KIAA1671: variants seen among roughly 807,000 people sequenced by gnomAD.
KIAA1671 encodes the protein uncharacterized protein KIAA1671.
Under a neutral mutation model 131.2 loss-of-function variants are expected in KIAA1671, and 52 were observed. The observed-to-expected ratio is 0.40, with a 90% CI of 0.32 to 0.50. KIAA1671 has a LOEUF of 0.50. KIAA1671 is among the 20% of genes least tolerant of loss of function. KIAA1671 has a pLI of 0.73. For missense variants in KIAA1671, 2,360 were observed against 2,364.2 expected, an observed-to-expected ratio of 1.00 and a Z score of 0.04; for synonymous variants, 1,003 against 961.6, an observed-to-expected ratio of 1.04 and a Z score of -0.80.
chr22:25,073,891 A>G (rs1279223125), intron 6 of KIAA1671, among the ~76,000 whole-genome samples: 2 of 152,112 alleles, frequency 1.3e-5, no homozygotes, highest in Admixed American at 1.3e-4. Flanking sequence ...ACGGGGTTTC[A>G]CCATATTGGT....
intron 5 of KIAA1671, among the ~76,000 whole-genome samples, chr22:25,042,724 T>G (rs1209408238): frequency 6.6e-6 from 1 of 151,800 alleles, no homozygotes; most frequent in African/African-American, 2.4e-5. Context: ...CCGCCCACCT[T>G]GACCTCCCAA....
At chr22:25,171,197 C>T (rs576897928) in intron 7 of KIAA1671, among the ~76,000 whole-genome samples, 262 of 150,194 alleles carry the variant, frequency 1.7e-3, no homozygotes, top group African/African-American at 6.2e-3. Context: ...CTCAGGAGTT[C>T]GAGACCAGAC....
chr22:25,167,025 G>A (rs1344833644), intron 6 of KIAA1671, among the ~76,000 whole-genome samples: 1 of 152,140 alleles, frequency 6.6e-6, no homozygotes, highest in Non-Finnish European at 1.5e-5. Context: ...TTAAGTTAGG[G>A]AATGGCCAGT....
chr22:25,110,857 G>A (rs1931295468), intron 6 of KIAA1671: 1 of 152,382 alleles, frequency 6.6e-6, no homozygotes. Flanking sequence ...TGCTGCCCAG[G>A]ACAGGGCAGA....
chr22:25,162,213 T>C lies in KIAA1671; in HGVS notation c.4531-8607T>C, dbSNP rs1315731749. ...GCCCCTGCCATTATTGTTACTCTTATTGCTTGGCCATGGTACTGGTCTGGC... is the reference window on the plus strand; with the variant it reads ...GCCCCTGCCATTATTGTTACTCTTACTGCTTGGCCATGGTACTGGTCTGGC... On this transcript the variant is annotated intron_variant, in intron 6 of 12. Transcript: ENST00000358431. Among the ~76,000 whole-genome samples the C allele has an allele frequency of 2.0e-5, 3 of 152,326 alleles. No homozygotes were observed. The East Asian group carries it at 5.8e-4, about 29-fold the overall frequency.
At chr22:25,146,867 G>C (rs1255870802) in intron 6 of KIAA1671, among the ~76,000 whole-genome samples, 2 of 152,162 alleles carry the variant, frequency 1.3e-5, no homozygotes, top group African/African-American at 4.8e-5. Context: ...GGGAACCCAG[G>C]AGCTAGTTGA....
At chr22:25,069,037 G>GGAGCAGGTGTT (rs1320154256) in intron 6 of KIAA1671, among the ~76,000 whole-genome samples, 3 of 152,216 alleles carry the variant, frequency 2.0e-5, no homozygotes, top group Admixed American at 6.5e-5. Flanking sequence ...CGGCTTATGA[G>GGAGCAGGTGTT]GAGCAGGTGT....
At chr22:25,177,597 A>G (rs1219043039) in intron 9 of KIAA1671, 75 bp downstream of exon 9, 1 of 1,335,710 alleles carries the variant, frequency 7.5e-7, no homozygotes, top group East Asian at 2.6e-5. Context: ...CCTATGAAAA[A>G]ATTCCTGACT....
chr22:25,040,893 G>C lies in KIAA1671; in HGVS notation c.3763G>C (p.Asp1255His). 1 of 1,518,304 alleles carries C rather than the reference G, an allele frequency of 6.6e-7. No homozygotes were observed. The highest frequency in any genetic ancestry group is 1.3e-5 in the South Asian group (1 of 79,342). 94.1% of individuals were successfully genotyped at this position (1,518,304 alleles called of 1,614,324 possible). Residue 1255 changes from aspartate to histidine, a missense_variant, in exon 5 of 13, where the codon GAT becomes CAT. Physicochemically the swap from Asp to His is moderately conservative, Grantham distance 81 (BLOSUM62 -1). Transcript: ENST00000358431. Reference protein sequence around the residue: ...QRRRSLKEMPDTGGLWKPASS... With the variant: ...QRRRSLKEMPHTGGLWKPASS... ...AAGGAGGAGCCTGAAGGAGATGCCC[G>C]ATACCGGGGGTCTCTGGAAACCGGC...
rs2145786914 is a variant in KIAA1671, at chr22:25,028,371, G to A, written c.372G>A (p.Pro124=). The part of the protein sequence containing the change: ...VGQEVGSGEG[P]RTSSPLFNKA... ...AGGAGGTGGGCAGTGGGGAGGGCCC[G>A]AGGACGAGCTCGCCCCTCTTCAACA... Residue 124 remains proline (P), a synonymous_variant, in exon 3 of 13, where the codon CCG becomes CCA. Coordinates refer to ENST00000358431, the MANE Select transcript of KIAA1671 (RefSeq NM_001145206.2). The A allele has an allele frequency of 5.8e-6, 9 of 1,550,890 alleles. No homozygotes were observed. Among genetic ancestry groups the A allele is most frequent in the Non-Finnish European group, 7.8e-6 (9 of 1,146,944 alleles).
chr22:25,060,876 A>T (rs1928120860), intron 6 of KIAA1671: 1 of 152,216 alleles, frequency 6.6e-6, no homozygotes, highest in Admixed American at 6.5e-5. Context: ...CTCCATTCTA[A>T]ACCTGAAACA....
chr22:25,073,767 G>A (rs1928951386), intron 6 of KIAA1671, among the ~76,000 whole-genome samples: 1 of 152,152 alleles, frequency 6.6e-6, no homozygotes, highest in Admixed American at 6.5e-5. Context: ...CATGATCTTG[G>A]CTCACTGCAA....
chr22:24,993,296 A>T (rs972768980), intron 1 of KIAA1671, among the ~76,000 whole-genome samples: 1 of 151,910 alleles, frequency 6.6e-6, no homozygotes, highest in African/African-American at 2.4e-5. Context: ...CCCCAGACAC[A>T]CTCTCATAGA....
intron 1 of KIAA1671, among the ~76,000 whole-genome samples, chr22:25,003,043 G>C (rs1166359593): frequency 6.6e-6 from 1 of 152,146 alleles, no homozygotes; most frequent in Non-Finnish European, 1.5e-5. Context: ...AAAGTGCTGG[G>C]ATTACAGGCA....
chr22:25,190,891 A>G, intron 12 of KIAA1671, 107 bp downstream of exon 12: 2 of 748,910 alleles, frequency 2.7e-6, no homozygotes, highest in South Asian at 1.6e-5. Flanking sequence ...ACCCAAGGAA[A>G]GAGGCTGTGT....
chr22:25,062,375 C>T (rs1348426648), intron 6 of KIAA1671: 1 of 152,274 alleles, frequency 6.6e-6, no homozygotes, highest in African/African-American at 2.4e-5. Context: ...TACCAAGTTG[C>T]CCAGGGATCA....
rs1269752269 is a variant in KIAA1671, at chr22:25,028,379, G to A, written c.380G>A (p.Ser127Asn). The change falls in exon 3 of 13, where the codon AGC becomes AAC. Residue 127 changes from serine to asparagine, a missense_variant. Ser to Asn is a conservative substitution (Grantham distance 46). Coordinates refer to ENST00000358431, the MANE Select transcript of KIAA1671 (RefSeq NM_001145206.2). The part of the protein sequence containing the change: ...EVGSGEGPRT[S>N]SPLFNKAVFL... ...GGCAGTGGGGAGGGCCCGAGGACGA[G>A]CTCGCCCCTCTTCAACAAGGCTGTG... 2 of 1,550,746 alleles carry A rather than the reference G, an allele frequency of 1.3e-6. No individual in the cohort carries two copies. Among genetic ancestry groups the A allele is most frequent in the African/African-American group, 1.4e-5 (1 of 73,058 alleles).
At chr22:25,156,299 A>C (rs1250082486) in intron 6 of KIAA1671, among the ~76,000 whole-genome samples, 2 of 151,890 alleles carry the variant, frequency 1.3e-5, no homozygotes, top group African/African-American at 4.8e-5. Context: ...TGCTGGGATT[A>C]CAGGCATGAG....
intron 6 of KIAA1671, among the ~76,000 whole-genome samples, chr22:25,140,729 C>T (rs908875421): frequency 6.6e-6 from 1 of 152,108 alleles, no homozygotes; most frequent in African/African-American, 2.4e-5. Context: ...GGCAAGGGCC[C>T]CATAGGATGC....
Sources: allele counts gnomAD v4.1 joint callset (sites outside exome capture counted in the v4.1 genomes callset), GRCh38; gene constraint gnomAD v4.1.1; transcripts MANE v1.5; gene names NCBI Gene and HGNC (gene_info 2026-07-23, HGNC 2026-07-21).